The following IFRD1 variants were observed in gnomAD, a reference collection of about 807,000 sequenced individuals.
IFRD1 encodes the protein interferon-related developmental regulator 1.
A neutral mutation model predicts 52.9 loss-of-function variants in IFRD1; 35 were observed. The observed-to-expected ratio is 0.66, with a 90% CI of 0.51 to 0.88. The LOEUF (loss-of-function observed/expected upper bound fraction) is 0.88, where lower values mean the gene tolerates loss of function less well. Ranked by LOEUF, IFRD1 falls within the 40% of genes least tolerant of loss-of-function variation. IFRD1 has a pLI of 0.00. For missense variants in IFRD1, 517 were observed against 550.8 expected (o/e 0.94, Z 0.61); for synonymous variants, 184 against 188.4 (o/e 0.98, Z 0.19).
chr7:112,462,075 T>TA lies in IFRD1; in HGVS notation c.694dup (p.Ile232AsnfsTer6), dbSNP rs1439475045. On this transcript the variant is annotated frameshift_variant, in exon 7 of 12. Coordinates refer to ENST00000403825, the MANE Select transcript of IFRD1 (RefSeq NM_001550.4). LOFTEE classifies it high-confidence loss of function. ...ATCTCAAAGAGAAAGACACTACTGTTATTTGCAGCACTCCTAATACAGTGC... is the reference window on the plus strand; with the variant it reads ...ATCTCAAAGAGAAAGACACTACTGTTAATTTGCAGCACTCCTAATACAGTGC... 5 of 1,613,328 alleles carry TA rather than the reference T, an allele frequency of 3.1e-6. No individual in the cohort carries two copies. The highest frequency in any genetic ancestry group is 4.2e-6 in the Non-Finnish European group (5 of 1,179,482).
chr7:112,472,162 A>G (rs1024544773), intron 9 of IFRD1, 57 bp from the exon 10 acceptor site: 2 of 1,583,272 alleles, frequency 1.3e-6, no homozygotes, highest in Admixed American at 1.7e-5. Flanking sequence ...GTGTTTACAT[A>G]AGATCCCTCT....
chr7:112,461,755 ATATAT>A, intron 5 of IFRD1, 106 bp from the exon 6 acceptor site: 2 of 607,304 alleles, frequency 3.3e-6, no homozygotes, highest in Non-Finnish European at 5.6e-6. Flanking sequence ...TTGGGACCTA[ATATAT>A]TATGCTGCTG....
At chr7:112,451,342 G>T (rs1795158337) in intron 1 of IFRD1, among the ~76,000 whole-genome samples, 1 of 152,236 alleles carries the variant, frequency 6.6e-6, no homozygotes, top group Non-Finnish European at 1.5e-5. Context: ...CTGGCCAGGC[G>T]AAGGCGTCGG....
intron 5 of IFRD1, among the ~76,000 whole-genome samples, chr7:112,461,107 TA>T (rs2117307916): frequency 6.6e-6 from 1 of 152,290 alleles, no homozygotes; most frequent in Admixed American, 6.5e-5. Flanking sequence ...AAGGCAATTA[TA>T]TGATTCCCAG....
At chr7:112,462,952 A>G (rs1185138068) in intron 8 of IFRD1, among the ~76,000 whole-genome samples, 4 of 152,124 alleles carry the variant, frequency 2.6e-5, no homozygotes, top group African/African-American at 9.7e-5. Context: ...AGTCGACCCA[A>G]TTTGCTTTGT....
intron 1 of IFRD1, among the ~76,000 whole-genome samples, chr7:112,451,835 G>C (rs1028499233): frequency 6.6e-5 from 10 of 152,130 alleles, no homozygotes; most frequent in African/African-American, 2.4e-4. Context: ...TTAGCCATCA[G>C]GTATTTTTGG....
chr7:112,446,278 A>T (rs17159640), upstream of IFRD1: 14,017 of 221,618 alleles, frequency 0.063, 625 homozygotes, highest in Admixed American at 0.15. Context: ...CTCTAGATGA[A>T]GGCGACTTAT....
chr7:112,457,081 G>A, intron 4 of IFRD1, 43 bp downstream of exon 4: 1 of 1,600,524 alleles, frequency 6.2e-7, no homozygotes. Flanking sequence ...AACTAATAAG[G>A]AGTGTGTTAT....
chr7:112,454,930 C>T (rs970063638), intron 1 of IFRD1, among the ~76,000 whole-genome samples: 5 of 140,528 alleles, frequency 3.6e-5, no homozygotes, highest in African/African-American at 1.3e-4. Context: ...GCAGTGGCAC[C>T]ATCTTGGCTC....
chr7:112,463,639 G>A (rs1021919023), intron 8 of IFRD1, among the ~76,000 whole-genome samples: 1 of 152,018 alleles, frequency 6.6e-6, no homozygotes, highest in African/African-American at 2.4e-5. Flanking sequence ...TAACCTCAAC[G>A]CATGGAAACC....
chr7:112,467,941 AAAT>A, intron 8 of IFRD1, 37 bp from the exon 9 acceptor site: 1 of 1,598,438 alleles, frequency 6.3e-7, no homozygotes, highest in Non-Finnish European at 8.6e-7. Flanking sequence ...CAGAAAAGAA[AAAT>A]AATAATAAAG....
At chr7:112,462,514 T>G in intron 8 of IFRD1, 136 bp downstream of exon 8, 1 of 718,106 alleles carries the variant, frequency 1.4e-6, no homozygotes, top group Non-Finnish European at 2.5e-6. Context: ...TCCCTACTTC[T>G]TGGCAGTGGT....
intron 5 of IFRD1, among the ~76,000 whole-genome samples, chr7:112,460,793 T>C (rs1417206554): frequency 6.6e-6 from 1 of 152,128 alleles, no homozygotes; most frequent in Admixed American, 6.5e-5. Flanking sequence ...AACCTGGGCC[T>C]GATACCAATG....
chr7:112,467,650 A>G lies in IFRD1; in HGVS notation c.907-331A>G, dbSNP rs191812091. 9.5e-4 allele frequency: 305 copies of G among 320,396 alleles called. 1 individual carries two copies. Among genetic ancestry groups the G allele is most frequent in the African/African-American group, 6.1e-3 (282 of 46,446 alleles). The allele number at this position is 320,396 out of a possible 1,614,324, so 19.8% of individuals were successfully genotyped here. On this transcript the variant is annotated intron_variant, in intron 8 of 11. Coordinates refer to ENST00000403825, the MANE Select transcript of IFRD1 (RefSeq NM_001550.4). ...GACTGGGGAGCCAAGGGTAGAAGCT[A>G]TATTGGTATATCTGTCTCTCACTGA...
intron 3 of IFRD1, 71 bp from the exon 4 acceptor site, chr7:112,456,843 T>A: frequency 6.9e-7 from 1 of 1,443,668 alleles, no homozygotes; most frequent in East Asian, 2.3e-5. Flanking sequence ...TAGAAGGAAA[T>A]AAGATTTTAA....
chr7:112,434,226 C>T (rs1794617019), intron 1 of IFRD1, among the ~76,000 whole-genome samples: 1 of 151,956 alleles, frequency 6.6e-6, no homozygotes, highest in Admixed American at 6.6e-5. Flanking sequence ...CATTGAGGTC[C>T]CCGTGGGGCT....
At chr7:112,472,132 T>C in intron 9 of IFRD1, 87 bp from the exon 10 acceptor site, 2 of 1,309,906 alleles carry the variant, frequency 1.5e-6, no homozygotes, top group Non-Finnish European at 1.1e-6. Flanking sequence ...TCTCAGCATG[T>C]ATATGACTGT....
chr7:112,450,841 T>C, intron 1 of IFRD1, 59 bp downstream of exon 1: 2 of 1,188,964 alleles, frequency 1.7e-6, no homozygotes, highest in African/African-American at 1.5e-5. Context: ...GAGTCTTCCA[T>C]GCTTCGGCAC....
intron 11 of IFRD1, among the ~76,000 whole-genome samples, chr7:112,475,028 G>A (rs3095024): frequency 0.3 from 44,748 of 151,576 alleles, 6,680 homozygotes; most frequent in Middle Eastern, 0.49. Flanking sequence ...GCGTGATCTC[G>A]GCTCACTGCA....
Sources: allele counts gnomAD v4.1 joint callset (sites outside exome capture counted in the v4.1 genomes callset), GRCh38; gene constraint gnomAD v4.1.1; transcripts MANE v1.5; gene names NCBI Gene and HGNC (gene_info 2026-07-23, HGNC 2026-07-21).